Variants in SERGEF observed in about 807,000 individuals in gnomAD.
The protein encoded by SERGEF is secretion regulating guanine nucleotide exchange factor.
SERGEF carries 51 observed loss-of-function variants against 50.0 expected under a neutral mutation model. The ratio of observed to expected loss-of-function variants is 1.02; its 90% CI spans 0.81 to 1.29. The LOEUF (loss-of-function observed/expected upper bound fraction) is 1.29, where lower values mean the gene tolerates loss of function less well. Ranked by LOEUF, SERGEF falls within the 50% of genes most tolerant of loss-of-function variation. SERGEF has a pLI of 0.00. For missense variants in SERGEF, 521 were observed against 557.0 expected (o/e 0.94, Z 0.65); for synonymous variants, 205 against 212.4 (o/e 0.97, Z 0.30).
chr11:17,949,560 C>G (rs147490082), intron 9 of SERGEF, among the ~76,000 whole-genome samples: 3 of 152,204 alleles, frequency 2.0e-5, no homozygotes, highest in African/African-American at 7.2e-5. Context: ...CCCTGCTCAG[C>G]ATAGGGTTTT....
intron 9 of SERGEF, among the ~76,000 whole-genome samples, chr11:17,942,752 C>T (rs1439313722): frequency 6.6e-6 from 1 of 152,014 alleles, no homozygotes; most frequent in Admixed American, 6.5e-5. Context: ...ATAAGTGCCC[C>T]TTATTAAACT....
chr11:17,964,096 G>A (rs1039741780), intron 8 of SERGEF, among the ~76,000 whole-genome samples: 1 of 152,178 alleles, frequency 6.6e-6, no homozygotes, highest in Non-Finnish European at 1.5e-5. Context: ...AGGTGAGTAG[G>A]AAGATGATGA....
intron 10 of SERGEF, among the ~76,000 whole-genome samples, chr11:17,801,390 G>T (rs1849667763): frequency 6.6e-6 from 1 of 152,194 alleles, no homozygotes. Flanking sequence ...AGCAGATTTA[G>T]GAGGCTACTG....
chr11:17,826,517 C>G (rs1850199010), intron 10 of SERGEF, among the ~76,000 whole-genome samples: 1 of 152,116 alleles, frequency 6.6e-6, no homozygotes, highest in South Asian at 2.1e-4. Flanking sequence ...ATAGAGTGCC[C>G]AGGCTGCACG....
intron 1 of SERGEF, 199 bp downstream of exon 1, chr11:18,012,752 G>A: frequency 1.4e-6 from 2 of 1,420,184 alleles, no homozygotes; most frequent in South Asian, 2.6e-5. Flanking sequence ...AGGCCCCTAA[G>A]TCGACCGCGA....
intron 9 of SERGEF, among the ~76,000 whole-genome samples, chr11:17,935,935 T>C (rs1229904072): frequency 2.0e-5 from 3 of 152,146 alleles, no homozygotes; most frequent in East Asian, 3.8e-4. Context: ...GAGGTTACAA[T>C]TGATGAATTT....
intron 10 of SERGEF, among the ~76,000 whole-genome samples, chr11:17,873,821 G>A (rs753254108): frequency 3.9e-5 from 6 of 152,152 alleles, no homozygotes; most frequent in Admixed American, 1.3e-4. Flanking sequence ...GAGAGGAAAC[G>A]CAGTCAGCTC....
chr11:17,821,988 G>C (rs894216238), intron 10 of SERGEF, among the ~76,000 whole-genome samples: 8 of 152,166 alleles, frequency 5.3e-5, no homozygotes, highest in African/African-American at 1.7e-4. Context: ...CCAGAAATAA[G>C]CCTACAGGAT....
rs529821677 is a variant in SERGEF at position 17,848,301 on chromosome 11, G to C, written c.1048+29907C>G. Among the ~76,000 whole-genome samples, 29 of 152,330 alleles carry C rather than the reference G, an allele frequency of 1.9e-4. No individual in the cohort carries two copies. The South Asian group carries it at 6.0e-3, about 32-fold the overall frequency. On this transcript the variant is annotated intron_variant, in intron 10 of 10. Transcript: ENST00000265965. ...CAGGGAAATTTGCAGAGCTGGACTA[G>C]AAGAAGAGCAGATATTCATGGCGAG... is the stretch of plus-strand genomic sequence containing the variant.
In SERGEF at chr11:17,788,060, A is replaced by G; in HGVS notation, c.*25T>C. 6.7e-7 allele frequency: 1 copy of G among 1,495,682 alleles called. No homozygotes were observed. Among genetic ancestry groups the G allele is most frequent in the Non-Finnish European group, 8.9e-7 (1 of 1,117,676 alleles). 92.7% of individuals were successfully genotyped at this position (1,495,682 alleles called of 1,614,324 possible). ...TCTCTGGGAAGGCTTTTGGTGGGAA[A>G]AGCCACTTTATTAAAGATTCTCTAT... On this transcript the variant is annotated 3_prime_UTR_variant, in exon 11 of 11. Coordinates refer to ENST00000265965, the MANE Select transcript of SERGEF (RefSeq NM_012139.4).
At chr11:18,008,164 G>T in intron 1 of SERGEF, 88 bp from the exon 2 acceptor site, 1 of 1,341,028 alleles carries the variant, frequency 7.5e-7, no homozygotes, top group Non-Finnish European at 1.0e-6. Context: ...TCACCCTGAC[G>T]TATCTCTCAG....
At chr11:17,804,793 A>G (rs1199507730) in intron 10 of SERGEF, among the ~76,000 whole-genome samples, 1 of 152,234 alleles carries the variant, frequency 6.6e-6, no homozygotes, top group East Asian at 1.9e-4. Flanking sequence ...GAACTAAGTT[A>G]AGTCCTCAGA....
At position 17,868,247 on chromosome 11, in the gene SERGEF, C is replaced by T. The variant is rs538512936; in HGVS notation, c.1048+9961G>A. ...CAGTGCCCAAGTCACCTGTTGAATGCTTTGCTGCTTAGAAATTTCTTCCAC... is the reference window on the plus strand; with the variant it reads ...CAGTGCCCAAGTCACCTGTTGAATGTTTTGCTGCTTAGAAATTTCTTCCAC... On this transcript the variant is annotated intron_variant, in intron 10 of 10. Coordinates refer to ENST00000265965, the MANE Select transcript of SERGEF (RefSeq NM_012139.4). Among the ~76,000 whole-genome samples, 6 of 152,306 alleles carry T rather than the reference C, an allele frequency of 3.9e-5. No homozygotes were observed. The South Asian group carries it at 1.2e-3, about 32-fold the overall frequency.
intron 9 of SERGEF, among the ~76,000 whole-genome samples, chr11:17,889,576 A>G (rs1851495457): frequency 6.6e-6 from 1 of 152,242 alleles, no homozygotes; most frequent in Admixed American, 6.5e-5. Flanking sequence ...GGGACATGAC[A>G]ACTAAATGCA....
At chr11:17,810,605 T>C (rs1849850787) in intron 10 of SERGEF, among the ~76,000 whole-genome samples, 2 of 152,240 alleles carry the variant, frequency 1.3e-5, no homozygotes, top group Non-Finnish European at 2.9e-5. Flanking sequence ...GAGCTTCCCA[T>C]GAACTTTGTA....
chr11:17,846,862 C>G (rs1850622973), intron 10 of SERGEF: 1 of 420,180 alleles, frequency 2.4e-6, no homozygotes, highest in Non-Finnish European at 4.8e-6. Flanking sequence ...AGAGGTGTTT[C>G]CTGAAGGGAT....
At chr11:17,925,620 C>A (rs1852236386) in intron 9 of SERGEF, among the ~76,000 whole-genome samples, 1 of 152,100 alleles carries the variant, frequency 6.6e-6, no homozygotes, top group South Asian at 2.1e-4. Context: ...AGTGTTTCCT[C>A]CTTATTAAAA....
chr11:17,869,219 T>G (rs1851090287), intron 10 of SERGEF, among the ~76,000 whole-genome samples: 1 of 152,142 alleles, frequency 6.6e-6, no homozygotes, highest in Non-Finnish European at 1.5e-5. Context: ...ACTGATACAT[T>G]TAATCTATAG....
At chr11:17,789,050 C>T (rs1014595196) in intron 10 of SERGEF, among the ~76,000 whole-genome samples, 2 of 152,232 alleles carry the variant, frequency 1.3e-5, no homozygotes, top group African/African-American at 4.8e-5. Context: ...CTTGCCCTCC[C>T]TCTTTGCATG....
Sources: gnomAD v4.1 joint callset for allele counts (sites outside exome capture counted in the v4.1 genomes callset) on GRCh38, gnomAD v4.1.1 for gene constraint, MANE v1.5 for transcripts, NCBI Gene and HGNC (gene_info 2026-07-23, HGNC 2026-07-21) for gene names.